Variants in BLTP1 observed in about 807,000 individuals in gnomAD.
The protein encoded by BLTP1 is fragile site-associated protein.
At chr4:122,251,198 C>G in the BLTP1 span, 5 of 876,476 alleles carry the variant, frequency 5.7e-6, no homozygotes, top group South Asian at 2.6e-4. Context: ...GACCTTGCAG[C>G]GTTGTGAAGA....
At chr4:122,261,235 C>T in the BLTP1 span, 42 of 933,508 alleles carry the variant, frequency 4.5e-5, no homozygotes, top group East Asian at 7.0e-4. Context: ...TATAGTTAGA[C>T]GCTTGGGACA....
chr4:122,187,879 A>ATT, the BLTP1 span: 409 of 1,305,766 alleles, frequency 3.1e-4, no homozygotes, highest in Admixed American at 7.6e-4. Flanking sequence ...TTATCTGTTT[A>ATT]TTTTTTTTTT....
chr4:122,215,612 G>A, the BLTP1 span: 1 of 967,954 alleles, frequency 1.0e-6, no homozygotes, highest in African/African-American at 1.8e-5. Context: ...CAGTCATCAG[G>A]ACTGGGGTGG....
the BLTP1 span, chr4:122,325,079 A>T: frequency 1.5e-6 from 1 of 683,128 alleles, no homozygotes. Flanking sequence ...ACTCTTTTTT[A>T]TGGGATGCTA....
At chr4:122,241,972 A>G in the BLTP1 span, among the ~76,000 whole-genome samples, 2 of 152,216 alleles carry the variant, frequency 1.3e-5, no homozygotes, top group African/African-American at 2.4e-5. Context: ...AGACAAAAAA[A>G]TGACATGTAT....
At chr4:122,297,781 G>T in the BLTP1 span, among the ~76,000 whole-genome samples, 55 of 152,300 alleles carry the variant, frequency 3.6e-4, no homozygotes, top group Non-Finnish European at 6.6e-4. Flanking sequence ...GCTGGAAGCC[G>T]TTATCCCCAG....
the BLTP1 span, among the ~76,000 whole-genome samples, chr4:122,159,564 T>G: frequency 6.6e-6 from 1 of 152,188 alleles, no homozygotes; most frequent in Admixed American, 6.5e-5. Flanking sequence ...TTTCACTTTG[T>G]TGTTGAATTG....
At chr4:122,248,380 A>G in the BLTP1 span, among the ~76,000 whole-genome samples, 1 of 152,004 alleles carries the variant, frequency 6.6e-6, no homozygotes, top group Admixed American at 6.6e-5. Flanking sequence ...AAAACTCCCA[A>G]CGAAATTCCA....
the BLTP1 span, chr4:122,152,513 C>G: frequency 2.0e-6 from 2 of 985,860 alleles, no homozygotes; most frequent in Non-Finnish European, 2.4e-6. Context: ...CCGCCCCTGC[C>G]GCCGCCCAAG....
the BLTP1 span, chr4:122,356,043 A>T: frequency 4.1e-4 from 540 of 1,332,012 alleles, 5 homozygotes; most frequent in East Asian, 6.1e-3. Context: ...GGCACTTCAA[A>T]CTACTGCTGT....
the BLTP1 span, chr4:122,262,624 T>C: frequency 3.0e-6 from 3 of 995,560 alleles, no homozygotes; most frequent in Non-Finnish European, 4.3e-6. Context: ...TTCACCACAA[T>C]CCTAGTATAC....
chr4:122,353,701 T>C, the BLTP1 span: 1 of 1,250,002 alleles, frequency 8.0e-7, no homozygotes, highest in Non-Finnish European at 1.1e-6. This position sits in a 1 kb window ranked among gnomAD's most constrained non-coding sequence, Gnocchi z 4.3. Flanking sequence ...TATTCTTCAT[T>C]TTTATAGCCT....
At chr4:122,245,609 C>T in the BLTP1 span, among the ~76,000 whole-genome samples, 11 of 152,096 alleles carry the variant, frequency 7.2e-5, no homozygotes, top group Non-Finnish European at 4.4e-5. Context: ...GTTCCAGCCA[C>T]GAAGCCAGTT....
At chr4:122,164,298 C>G in the BLTP1 span, 1 of 659,534 alleles carries the variant, frequency 1.5e-6, no homozygotes, top group Non-Finnish European at 1.9e-6. Context: ...CTACAGCATC[C>G]TGTCCTCCAG....
At chr4:122,291,640 TAAGTA>T in the BLTP1 span, 5 of 685,720 alleles carry the variant, frequency 7.3e-6, no homozygotes, top group Non-Finnish European at 7.2e-6. Context: ...CAGAAAGATG[TAAGTA>T]AGCACTGATC....
At chr4:122,205,923 G>A in the BLTP1 span, 19 of 983,932 alleles carry the variant, frequency 1.9e-5, 2 homozygotes, top group East Asian at 2.2e-3. Context: ...TGCTGGGAGT[G>A]TACAATGCAT....
At chr4:122,315,337 G>C in the BLTP1 span, 1 of 1,237,126 alleles carries the variant, frequency 8.1e-7, no homozygotes, top group Non-Finnish European at 1.1e-6. Flanking sequence ...CCTGTAGTCT[G>C]ATGTTTCTGA....
the BLTP1 span, chr4:122,256,257 G>C: frequency 1.6e-5 from 12 of 759,916 alleles, no homozygotes; most frequent in East Asian, 5.1e-4. Context: ...AAGACACTTA[G>C]ACCTAAGGCT....
the BLTP1 span, among the ~76,000 whole-genome samples, chr4:122,255,682 A>G: frequency 6.6e-6 from 1 of 152,250 alleles, no homozygotes; most frequent in East Asian, 1.9e-4. Context: ...AAGTCTATAG[A>G]CAAAGAGTGT....
Sources: gnomAD v4.1 joint callset for allele counts (sites outside exome capture counted in the v4.1 genomes callset) on GRCh38, gnomAD v4.1.1 for gene constraint, Gnocchi (gnomAD v3.1) non-coding constraint, MANE v1.5 for transcripts, NCBI Gene and HGNC (gene_info 2026-07-23, HGNC 2026-07-21) for gene names.